The following KAZN variants were observed in gnomAD, a reference collection of about 807,000 sequenced individuals.
The protein encoded by KAZN is kazrin.
A neutral mutation model predicts 87.4 loss-of-function variants in KAZN; 40 were observed. That is an observed-to-expected ratio of 0.46 (90% CI 0.36 to 0.60). KAZN has a LOEUF of 0.60. Ranked by LOEUF, KAZN falls within the 20% of genes least tolerant of loss-of-function variation. The pLI is 0.00. For synonymous variants in KAZN, 466 were observed against 458.3 expected (o/e 1.02, Z -0.22); for missense variants, 898 against 1,073.9 (o/e 0.84, Z 2.29).
At chr1:14,340,454 A>G (rs1464187110) in intron 2 of KAZN, among the ~76,000 whole-genome samples, 1 of 152,248 alleles carries the variant, frequency 6.6e-6, no homozygotes, top group Non-Finnish European at 1.5e-5. Context: ...AATCACAACA[A>G]TTTGGGTGTA....
intron 1 of KAZN, among the ~76,000 whole-genome samples, chr1:14,019,510 C>T (rs1043154243): frequency 6.6e-6 from 1 of 152,162 alleles, no homozygotes; most frequent in Non-Finnish European, 1.5e-5. Context: ...ATATATACAT[C>T]TTATCCAGGT....
chr1:14,231,310 A>AAAAC (rs1010012825), intron 2 of KAZN, among the ~76,000 whole-genome samples: 3 of 152,226 alleles, frequency 2.0e-5, no homozygotes, highest in Non-Finnish European at 4.4e-5. Flanking sequence ...TACATAACAG[A>AAAAC]AAACAAACAA....
chr1:14,873,020 A>ATGGATGGATGGG (rs1652335699), intron 1 of KAZN, among the ~76,000 whole-genome samples: 1 of 151,274 alleles, frequency 6.6e-6, no homozygotes, highest in African/African-American at 2.4e-5. Flanking sequence ...GGATGGATGG[A>ATGGATGGATGGG]TGGGTGGGTG....
chr1:14,711,774 G>A (rs1009030902), intron 1 of KAZN, among the ~76,000 whole-genome samples: 39 of 152,276 alleles, frequency 2.6e-4, no homozygotes, highest in African/African-American at 7.2e-4. Flanking sequence ...GCATGGAGCC[G>A]TGCTGTGACG....
intron 2 of KAZN, among the ~76,000 whole-genome samples, chr1:14,550,267 G>C (rs1673420738): frequency 6.6e-6 from 1 of 152,134 alleles, no homozygotes; most frequent in East Asian, 1.9e-4. Flanking sequence ...AAACAAACAA[G>C]ATTTCAGAGA....
chr1:14,380,085 C>T (rs1252537085), intron 2 of KAZN, among the ~76,000 whole-genome samples: 1 of 152,172 alleles, frequency 6.6e-6, no homozygotes, highest in African/African-American at 2.4e-5. Context: ...GCCTGGTAAT[C>T]CAGAGAATTC....
intron 1 of KAZN, among the ~76,000 whole-genome samples, chr1:14,633,612 G>T (rs1238057038): frequency 6.6e-6 from 1 of 152,134 alleles, no homozygotes; most frequent in South Asian, 2.1e-4. Flanking sequence ...GTTCCTCGAA[G>T]CCGCTAAGTT....
chr1:14,419,655 G>T (rs183701520), intron 2 of KAZN, among the ~76,000 whole-genome samples: 2 of 152,334 alleles, frequency 1.3e-5, no homozygotes, highest in East Asian at 3.9e-4. Flanking sequence ...TTTCGGATGT[G>T]TTCAGAGTTC....
chr1:14,446,487 T>A (rs58473468), intron 2 of KAZN, among the ~76,000 whole-genome samples: 3,801 of 152,198 alleles, frequency 0.025, 183 homozygotes, highest in East Asian at 0.17. Flanking sequence ...AACTATAGTC[T>A]CAATCTATGT....
At chr1:14,334,033 C>T in intron 2 of KAZN, among the ~76,000 whole-genome samples, 1 of 151,626 alleles carries the variant, frequency 6.6e-6, no homozygotes, top group African/African-American at 2.4e-5. Flanking sequence ...GGAGGCATGG[C>T]CATCACAAGG....
intron 2 of KAZN, among the ~76,000 whole-genome samples, chr1:14,368,161 G>C (rs529334769): frequency 6.6e-5 from 10 of 152,084 alleles, no homozygotes; most frequent in Admixed American, 5.2e-4. Context: ...TGTGTTTGTT[G>C]ACTGCTATGA....
rs1011807720 is a variant in KAZN, at chr1:14,365,377, G to C, written c.249+184785G>C. On this transcript the variant is annotated intron_variant, in intron 2 of 16. Transcript: ENST00000636203. Reference sequence around the variant, plus strand: ...CCCCCTCCCCCCGGGGTGGGGGGGGGGGGGGTCTTTCAAGGTCACCAGCTG... The same window carrying C: ...CCCCCTCCCCCCGGGGTGGGGGGGGCGGGGGTCTTTCAAGGTCACCAGCTG... Among the ~76,000 whole-genome samples, 547 of 147,446 alleles carry C rather than the reference G, an allele frequency of 3.7e-3. 14 individuals carry two copies. The highest frequency in any genetic ancestry group is 0.012 in the African/African-American group (498 of 40,470).
rs916233847 is a variant in KAZN, at chr1:14,661,543, A to G, written c.226+62320A>G. ...AATGAATGGATTTGGCTATGTTCCAATAAAACTTTATTTACAAGAACAGGT... is the reference window on the plus strand; with the variant it reads ...AATGAATGGATTTGGCTATGTTCCAGTAAAACTTTATTTACAAGAACAGGT... On this transcript the variant is annotated intron_variant, in intron 1 of 14. Coordinates refer to ENST00000376030, the MANE Select transcript of KAZN (RefSeq NM_201628.3). Among the ~76,000 whole-genome samples the G allele has an allele frequency of 2.6e-4, 40 of 152,090 alleles. 1 individual carries two copies. Among genetic ancestry groups the G allele is most frequent in the Non-Finnish European group, 4.0e-4 (27 of 68,036 alleles).
intron 1 of KAZN, among the ~76,000 whole-genome samples, chr1:14,076,504 G>A (rs1376925424): frequency 6.6e-6 from 1 of 152,148 alleles, no homozygotes; most frequent in East Asian, 1.9e-4. Context: ...ACAGCCTCCA[G>A]AACTGTGAGA....
chr1:14,989,293 T>C (rs1667125853), intron 2 of KAZN, among the ~76,000 whole-genome samples: 1 of 152,138 alleles, frequency 6.6e-6, no homozygotes, highest in Non-Finnish European at 1.5e-5. Flanking sequence ...CAGGCCAACA[T>C]GGTGAAACCC....
At chr1:14,352,370 A>G (rs1658619857) in intron 2 of KAZN, among the ~76,000 whole-genome samples, 1 of 152,136 alleles carries the variant, frequency 6.6e-6, no homozygotes, top group Admixed American at 6.6e-5. Flanking sequence ...CCTTAGGTAG[A>G]GGAAATAATA....
intron 1 of KAZN, among the ~76,000 whole-genome samples, chr1:14,078,928 C>T (rs774430236): frequency 3.9e-5 from 6 of 152,168 alleles, no homozygotes; most frequent in Middle Eastern, 3.2e-3. Context: ...CAGGGTGATC[C>T]GCCCACCTCA....
At chr1:14,472,191 G>A (rs1376397167) in intron 2 of KAZN, among the ~76,000 whole-genome samples, 1 of 152,076 alleles carries the variant, frequency 6.6e-6, no homozygotes, top group African/African-American at 2.4e-5. Context: ...GTCCTGAAAG[G>A]CCCCACCTGT....
At chr1:15,110,184 TTGTG>T (rs762767085) in intron 13 of KAZN, among the ~76,000 whole-genome samples, 133 of 106,310 alleles carry the variant, frequency 1.3e-3, no homozygotes, top group Middle Eastern at 4.5e-3. Context: ...TATATGTGTG[TTGTG>T]TATGTGTGTA....
Sources: gnomAD v4.1 joint callset for allele counts (sites outside exome capture counted in the v4.1 genomes callset) on GRCh38, gnomAD v4.1.1 for gene constraint, MANE v1.5 for transcripts, NCBI Gene and HGNC (gene_info 2026-07-23, HGNC 2026-07-21) for gene names.